Variants in GLIS3 observed in about 807,000 individuals in gnomAD.
GLIS3 encodes the protein GLIS family zinc finger 3.
A neutral mutation model predicts 78.6 loss-of-function variants in GLIS3; 53 were observed. The observed-to-expected ratio is 0.67, with a 90% confidence interval of 0.54 to 0.85. The LOEUF (loss-of-function observed/expected upper bound fraction) is 0.85, where lower values mean the gene tolerates loss of function less well. Among genes scored for constraint, GLIS3 ranks in the 40% least tolerant of loss-of-function variants. The pLI, the probability that GLIS3 is intolerant of heterozygous loss-of-function variation, is 0.00. For synonymous variants in GLIS3, 684 were observed against 509.9 expected (o/e 1.34, Z -4.60); for missense variants, 1,703 against 1,231.1 (o/e 1.38, Z -5.74).
At chr9:3,927,253 A>T (rs1277369568) in intron 6 of GLIS3, among the ~76,000 whole-genome samples, 1 of 152,202 alleles carries the variant, frequency 6.6e-6, no homozygotes, top group Non-Finnish European at 1.5e-5. Flanking sequence ...ATATTCCTTG[A>T]GACTGTACTT....
chr9:4,441,384 T>C, the GLIS3 span, among the ~76,000 whole-genome samples: 2 of 152,232 alleles, frequency 1.3e-5, no homozygotes, highest in African/African-American at 2.4e-5. Context: ...TTTCGTCAAA[T>C]GCTTTTTCTA....
At chr9:4,110,169 A>G (rs1181284564) in intron 4 of GLIS3, among the ~76,000 whole-genome samples, 1 of 152,196 alleles carries the variant, frequency 6.6e-6, no homozygotes, top group Admixed American at 6.5e-5. Context: ...ACATCAGTAC[A>G]CATACTATTT....
At chr9:4,376,955 C>T in the GLIS3 span, among the ~76,000 whole-genome samples, 1 of 135,190 alleles carries the variant, frequency 7.4e-6, no homozygotes, top group East Asian at 2.2e-4. Context: ...AGGATGCAGG[C>T]TCTGAGCCAG....
chr9:4,403,371 A>C, the GLIS3 span, among the ~76,000 whole-genome samples: 182 of 152,318 alleles, frequency 1.2e-3, no homozygotes, highest in Middle Eastern at 3.4e-3. Flanking sequence ...TCTGAAGGTA[A>C]AAAACTCACT....
At chr9:4,283,741 C>G (rs1827756009) in intron 2 of GLIS3, among the ~76,000 whole-genome samples, 2 of 152,204 alleles carry the variant, frequency 1.3e-5, no homozygotes, top group African/African-American at 4.8e-5. Flanking sequence ...GATCACCATC[C>G]TCAACCAGTT....
chr9:4,205,273 G>A (rs982117425), intron 2 of GLIS3, among the ~76,000 whole-genome samples: 1 of 151,310 alleles, frequency 6.6e-6, no homozygotes, highest in Non-Finnish European at 1.5e-5. Flanking sequence ...CTTATGTACA[G>A]CACCCCAATT....
intron 2 of GLIS3, among the ~76,000 whole-genome samples, chr9:4,228,770 A>G (rs1822001474): frequency 6.6e-6 from 1 of 152,214 alleles, no homozygotes; most frequent in Non-Finnish European, 1.5e-5. Context: ...CATACAGCCC[A>G]AATACAGAAA....
chr9:4,052,000 G>C (rs1825781479), intron 4 of GLIS3, among the ~76,000 whole-genome samples: 1 of 152,210 alleles, frequency 6.6e-6, no homozygotes, highest in South Asian at 2.1e-4. Flanking sequence ...TTACAGATTA[G>C]AGTGCATTGG....
At chr9:4,170,672 G>A (rs150967279) in intron 2 of GLIS3, among the ~76,000 whole-genome samples, 11 of 152,194 alleles carry the variant, frequency 7.2e-5, no homozygotes, top group African/African-American at 2.4e-4. Context: ...CGAAATGTAC[G>A]GTGGAACTCC....
chr9:4,388,576 T>C, the GLIS3 span, among the ~76,000 whole-genome samples: 3 of 152,070 alleles, frequency 2.0e-5, no homozygotes, highest in Non-Finnish European at 4.4e-5. Context: ...CGCAGGAGGC[T>C]GAGGCAGGAG....
the GLIS3 span, among the ~76,000 whole-genome samples, chr9:4,483,422 C>T: frequency 1.3e-5 from 2 of 152,090 alleles, no homozygotes; most frequent in South Asian, 2.1e-4. Context: ...TTGTTCCTTA[C>T]ATAAGAGGTG....
intron 2 of GLIS3, among the ~76,000 whole-genome samples, chr9:4,314,384 T>C (rs1305878203): frequency 6.6e-6 from 1 of 152,224 alleles, no homozygotes; most frequent in Non-Finnish European, 1.5e-5. Flanking sequence ...GTGTCCTTAC[T>C]CTTTGTTCAA....
chr9:3,864,096 A>G (rs1003704750), intron 8 of GLIS3, among the ~76,000 whole-genome samples: 1 of 152,166 alleles, frequency 6.6e-6, no homozygotes, highest in South Asian at 2.1e-4. Flanking sequence ...CAAACTGAAG[A>G]AAATTTATCC....
At chr9:4,121,394 T>G (rs1236171502) in intron 3 of GLIS3, among the ~76,000 whole-genome samples, 2 of 152,198 alleles carry the variant, frequency 1.3e-5, no homozygotes, top group African/African-American at 4.8e-5. Context: ...ATCTTCCCAG[T>G]GCCTGCCAGA....
intron 2 of GLIS3, among the ~76,000 whole-genome samples, chr9:4,195,823 G>C (rs950381431): frequency 2.6e-5 from 4 of 152,216 alleles, no homozygotes; most frequent in Admixed American, 6.5e-5. Flanking sequence ...TCTAACTCAA[G>C]GTCTGTAAAC....
the GLIS3 span, among the ~76,000 whole-genome samples, chr9:4,467,492 C>A: frequency 6.6e-6 from 1 of 152,188 alleles, no homozygotes; most frequent in Non-Finnish European, 1.5e-5. Flanking sequence ...TGTTCCGCAG[C>A]CTCCGCTGGT....
the GLIS3 span, among the ~76,000 whole-genome samples, chr9:4,375,980 A>G: frequency 6.6e-6 from 1 of 152,138 alleles, no homozygotes; most frequent in Non-Finnish European, 1.5e-5. Flanking sequence ...TCATCTGTAA[A>G]AGAAAGTGAG....
At chr9:4,014,273 T>C (rs1466855698) in intron 4 of GLIS3, among the ~76,000 whole-genome samples, 1 of 152,148 alleles carries the variant, frequency 6.6e-6, no homozygotes, top group Non-Finnish European at 1.5e-5. Flanking sequence ...ATCAGAAAAC[T>C]GAGAAGTGGC....
intron 4 of GLIS3, among the ~76,000 whole-genome samples, chr9:4,082,758 TCTTTA>T (rs911572454): frequency 1.3e-5 from 2 of 152,206 alleles, no homozygotes; most frequent in African/African-American, 4.8e-5. Flanking sequence ...AACTCTCCAC[TCTTTA>T]CTTGCATATT....
Sources: gnomAD v4.1 joint callset for allele counts (sites outside exome capture counted in the v4.1 genomes callset) on GRCh38, gnomAD v4.1.1 for gene constraint, MANE v1.5 for transcripts, NCBI Gene and HGNC (gene_info 2026-07-23, HGNC 2026-07-21) for gene names.